The following CNTNAP2 variants were observed in gnomAD, a reference collection of about 807,000 sequenced individuals.
CNTNAP2 encodes contactin-associated protein-like 2.
CNTNAP2 carries 98 observed loss-of-function variants against 155.2 expected under a neutral mutation model. That is an observed-to-expected ratio of 0.63 (90% CI 0.54 to 0.75). The LOEUF (loss-of-function observed/expected upper bound fraction) is 0.75. Ranked by LOEUF, CNTNAP2 falls within the 30% of genes least tolerant of loss-of-function variation. The pLI is 0.00. For synonymous variants in CNTNAP2, 651 were observed against 631.2 expected, an observed-to-expected ratio of 1.03 and a Z score of -0.47; for missense variants, 1,727 against 1,688.1, an observed-to-expected ratio of 1.02 and a Z score of -0.40.
At chr7:146,916,554 T>C (rs965070564) in intron 3 of CNTNAP2, among the ~76,000 whole-genome samples, 1 of 152,154 alleles carries the variant, frequency 6.6e-6, no homozygotes, top group Non-Finnish European at 1.5e-5. Flanking sequence ...TAGTTTAATC[T>C]AGGAGGGTTG....
chr7:147,005,055 G>A (rs1031870980), intron 3 of CNTNAP2, among the ~76,000 whole-genome samples: 3 of 152,036 alleles, frequency 2.0e-5, no homozygotes, highest in Non-Finnish European at 4.4e-5. Context: ...GATAGTATTG[G>A]TCTCTCCGGA....
chr7:147,101,301 G>T (rs938384529), intron 4 of CNTNAP2, among the ~76,000 whole-genome samples: 4 of 152,186 alleles, frequency 2.6e-5, no homozygotes, highest in Non-Finnish European at 5.9e-5. Flanking sequence ...TAAGACGGGA[G>T]AGTTCCCTGG....
intron 1 of CNTNAP2, among the ~76,000 whole-genome samples, chr7:146,423,123 TCCAGTCTTTTTA>T (rs1796036203): frequency 6.6e-6 from 1 of 152,118 alleles, no homozygotes; most frequent in Admixed American, 6.6e-5. Flanking sequence ...TTCCTTTCTT[TCCAGTCTTTTTA>T]CCTCTTGTGC....
intron 8 of CNTNAP2, among the ~76,000 whole-genome samples, chr7:147,148,430 C>T (rs1292788392): frequency 1.3e-5 from 2 of 149,524 alleles, no homozygotes; most frequent in Admixed American, 6.6e-5. Context: ...TCAATTTAGA[C>T]TCAGACAGAA....
chr7:147,931,185 A>G (rs73462201), intron 14 of CNTNAP2, among the ~76,000 whole-genome samples: 1,904 of 150,832 alleles, frequency 0.013, 47 homozygotes, highest in African/African-American at 0.044. Context: ...AATAATGTAG[A>G]TTAGAGCAGA....
chr7:146,409,687 G>T (rs1395801666), intron 1 of CNTNAP2, among the ~76,000 whole-genome samples: 1 of 152,076 alleles, frequency 6.6e-6, no homozygotes, highest in Non-Finnish European at 1.5e-5. Flanking sequence ...TTATATTCAA[G>T]ATTAATCACT....
chr7:148,263,715 C>T (rs1472996668), intron 20 of CNTNAP2, among the ~76,000 whole-genome samples: 8 of 142,450 alleles, frequency 5.6e-5, no homozygotes, highest in Admixed American at 2.8e-4. Context: ...CCAGCCTGGG[C>T]GACAGAGCGA....
At chr7:148,110,205 T>C (rs1477683056) in intron 15 of CNTNAP2, among the ~76,000 whole-genome samples, 1 of 152,092 alleles carries the variant, frequency 6.6e-6, no homozygotes, top group Admixed American at 6.5e-5. Flanking sequence ...AAACAGTTGT[T>C]ATGGAGGCCT....
In CNTNAP2 at chr7:148,217,308, G is replaced by A; in HGVS notation, c.3031G>A (p.Glu1011Lys). The A allele has an allele frequency of 6.2e-7, 1 of 1,613,886 alleles. No homozygotes were observed. Among genetic ancestry groups the A allele is most frequent in the Admixed American group, 1.7e-5 (1 of 60,006 alleles). Residue 1011 changes from glutamate (E) to lysine (K), a missense_variant, in exon 19 of 24, where the codon GAA becomes AAA. Transcript: ENST00000361727. ...AACAGATGTTGGTGCATTTTTTGAA[G>A]AAGGGATGTGGCTACGATATAACTT... ...CNKDVGAFFE[E>K]GMWLRYNFQA...
intron 21 of CNTNAP2, among the ~76,000 whole-genome samples, chr7:148,274,296 G>A (rs899096634): frequency 1.3e-5 from 2 of 152,112 alleles, no homozygotes; most frequent in Middle Eastern, 3.4e-3. Context: ...AGGGCTGTTT[G>A]TTACTGTGGC....
At position 146,695,993 on chromosome 7, in the gene CNTNAP2, A is replaced by G. The variant is rs1800775695; in HGVS notation, c.98-78278A>G. Among the ~76,000 whole-genome samples, 3 of 152,030 alleles carry G rather than the reference A, an allele frequency of 2.0e-5. No individual in the cohort carries two copies. The South Asian group carries it at 6.2e-4, about 32-fold the overall frequency. On this transcript the variant is annotated intron_variant, in intron 1 of 23. Transcript: ENST00000361727. ...TTTATGTTCATGAGAGATATTAGTA[A>G]TTTTCATTTCTTAACAGATCTTAGT...
intron 1 of CNTNAP2, among the ~76,000 whole-genome samples, chr7:146,154,662 T>C (rs905867565): frequency 1.3e-5 from 2 of 152,060 alleles, no homozygotes; most frequent in Admixed American, 6.6e-5. Flanking sequence ...TACAGAAACA[T>C]AGAAAGGGAG....
At chr7:146,194,313 T>C (rs1798746787) in intron 1 of CNTNAP2, among the ~76,000 whole-genome samples, 1 of 152,242 alleles carries the variant, frequency 6.6e-6, no homozygotes, top group Non-Finnish European at 1.5e-5. Context: ...AGATGTTTAA[T>C]GGACTCACAG....
At chr7:146,514,748 C>T (rs1015019689) in intron 1 of CNTNAP2, among the ~76,000 whole-genome samples, 5 of 151,506 alleles carry the variant, frequency 3.3e-5, no homozygotes, top group Non-Finnish European at 5.9e-5. Flanking sequence ...GAGGTGGCCA[C>T]GGTTGTGTTG....
At position 146,213,101 on chromosome 7, in the gene CNTNAP2, G is replaced by A. The variant is rs1949894; in HGVS notation, c.97+96128G>A. 2.9e-3 allele frequency among the ~76,000 whole-genome samples: 448 copies of A among 152,174 alleles called. 13 individuals are homozygous for A. In the East Asian group the frequency reaches 0.075, roughly 25 times the overall value. Reference sequence around the variant, plus strand: ...GGGGAGTAGTTGATTAATTTTTAACGTACTTGCTTCTATAAATCTAAGTTG... The same window carrying A: ...GGGGAGTAGTTGATTAATTTTTAACATACTTGCTTCTATAAATCTAAGTTG... On this transcript the variant is annotated intron_variant, in intron 1 of 23. Coordinates refer to ENST00000361727, the MANE Select transcript of CNTNAP2 (RefSeq NM_014141.6).
At chr7:147,453,282 A>G (rs1797863866) in intron 10 of CNTNAP2, among the ~76,000 whole-genome samples, 1 of 152,156 alleles carries the variant, frequency 6.6e-6, no homozygotes. Flanking sequence ...CCCCTAGTCC[A>G]GGTGCTTCAG....
chr7:146,228,287 A>C (rs1014398905), intron 1 of CNTNAP2, among the ~76,000 whole-genome samples: 3 of 152,224 alleles, frequency 2.0e-5, no homozygotes, highest in Non-Finnish European at 4.4e-5. Context: ...CTTGTTTAGT[A>C]GTAAACACTT....
intron 13 of CNTNAP2, among the ~76,000 whole-genome samples, chr7:147,882,431 G>A (rs1204573190): frequency 6.6e-6 from 1 of 152,206 alleles, no homozygotes; most frequent in Non-Finnish European, 1.5e-5. Flanking sequence ...GTGGACATCT[G>A]AATCAGCTGC....
chr7:146,575,274 G>A (rs372505833), intron 1 of CNTNAP2, among the ~76,000 whole-genome samples: 316 of 152,054 alleles, frequency 2.1e-3, no homozygotes, highest in African/African-American at 7.1e-3. Flanking sequence ...GCACCACCAC[G>A]CCCGGCTAAT....
Sources: gnomAD v4.1 joint callset for allele counts (sites outside exome capture counted in the v4.1 genomes callset) on GRCh38, gnomAD v4.1.1 for gene constraint, MANE v1.5 for transcripts, NCBI Gene and HGNC (gene_info 2026-07-23, HGNC 2026-07-21) for gene names.